Variants in TRPM3 observed in about 807,000 individuals in gnomAD.
TRPM3 encodes the protein long transient receptor potential channel 3.
A neutral mutation model predicts 181.2 loss-of-function variants in TRPM3; 77 were observed. The observed-to-expected ratio is 0.42, with a 90% CI of 0.35 to 0.51. TRPM3 has a LOEUF of 0.51. TRPM3 is among the 20% of genes least tolerant of loss of function. The pLI is 0.01. For missense variants in TRPM3, 1,759 were observed against 2,196.7 expected (o/e 0.80, Z 3.98); for synonymous variants, 745 against 796.4 (o/e 0.94, Z 1.09).
At chr9:70,636,272 A>G (rs1005891649) in intron 11 of TRPM3, among the ~76,000 whole-genome samples, 7 of 151,806 alleles carry the variant, frequency 4.6e-5, no homozygotes, top group Non-Finnish European at 8.8e-5. Context: ...TGATTGTTTC[A>G]ACCATTAAAA....
At chr9:70,603,196 A>G in intron 20 of TRPM3, 146 bp downstream of exon 20, 1 of 947,756 alleles carries the variant, frequency 1.1e-6, no homozygotes, top group Non-Finnish European at 1.6e-6. Flanking sequence ...CAGGTTTGTC[A>G]GAGGAGCAAA....
At chr9:71,095,134 C>T (rs1033583200) in intron 1 of TRPM3, among the ~76,000 whole-genome samples, 2 of 152,128 alleles carry the variant, frequency 1.3e-5, no homozygotes, top group Non-Finnish European at 2.9e-5. Flanking sequence ...ATAGGGATCA[C>T]AAGGCATATT....
At chr9:71,024,076 T>C (rs547858542) in intron 1 of TRPM3, among the ~76,000 whole-genome samples, 1 of 152,338 alleles carries the variant, frequency 6.6e-6, no homozygotes, top group South Asian at 2.1e-4. Flanking sequence ...TTTTGCAAGA[T>C]GCAAAATGTA....
chr9:71,143,215 C>G (rs1170287714), intron 1 of TRPM3, among the ~76,000 whole-genome samples: 1 of 150,866 alleles, frequency 6.6e-6, no homozygotes, highest in Non-Finnish European at 1.5e-5. Flanking sequence ...CTTTTAAGTT[C>G]AAGAGTACAA....
At chr9:71,181,657 T>C (rs1270809423) in intron 1 of TRPM3, among the ~76,000 whole-genome samples, 2 of 152,148 alleles carry the variant, frequency 1.3e-5, no homozygotes, top group Non-Finnish European at 2.9e-5. Flanking sequence ...ATGAAGTTTT[T>C]CTCTTTGAAA....
In TRPM3 at chr9:71,059,708, G is replaced by A. The variant is rs1287083704; in HGVS notation, c.177+61470C>T. ...CTGTTTCCCTGGAAGAAGAAATTCT[G>A]CCCCAGGACTGAAGCATCAATTCCT... is the stretch of plus-strand genomic sequence containing the variant. On this transcript the variant is annotated intron_variant, in intron 1 of 25. Transcript: ENST00000677713. 2.6e-5 allele frequency among the ~76,000 whole-genome samples: 4 copies of A among 152,026 alleles called. No homozygotes were observed. The East Asian group carries it at 7.7e-4, about 29-fold the overall frequency.
Position 70,603,411 on chromosome 9 carries a change from G to C in TRPM3, c.2727C>G (p.Arg909=). The C allele has an allele frequency of 6.2e-7, 1 of 1,614,112 alleles. No individual in the cohort carries two copies. The highest frequency in any genetic ancestry group is 8.5e-7 in the Non-Finnish European group (1 of 1,180,010). Residue 909 remains arginine (R), a synonymous_variant, in exon 20 of 26, where the codon CGC becomes CGG. Transcript: ENST00000677713. ...CGATCCATTCCTGGGTGGACGGCCA[G>C]CGTTCCATCTTCACTAACACGATAT... The part of the protein sequence containing the change: ...FNYIVLVKME[R]WPSTQEWIVI...
chr9:71,138,122 A>G (rs1439855637), intron 1 of TRPM3, among the ~76,000 whole-genome samples: 1 of 152,144 alleles, frequency 6.6e-6, no homozygotes, highest in Non-Finnish European at 1.5e-5. Context: ...TCAAAAAAGA[A>G]AAAAAGAAAA....
At chr9:71,422,832 C>G (rs962933358) in intron 1 of TRPM3, among the ~76,000 whole-genome samples, 1 of 151,954 alleles carries the variant, frequency 6.6e-6, no homozygotes, top group African/African-American at 2.4e-5. Context: ...TATATTATAG[C>G]AACTTAGATA....
At chr9:70,654,198 C>G (rs190966407) in intron 9 of TRPM3, among the ~76,000 whole-genome samples, 10 of 152,068 alleles carry the variant, frequency 6.6e-5, no homozygotes, top group African/African-American at 2.4e-4. Context: ...TGTCTGTGTG[C>G]ATTTGTGTGA....
chr9:71,365,780 A>ACAAATAAG (rs764127275), intron 1 of TRPM3, among the ~76,000 whole-genome samples: 2 of 152,116 alleles, frequency 1.3e-5, no homozygotes, highest in Non-Finnish European at 2.9e-5. Flanking sequence ...ACTTCACTCA[A>ACAAATAAG]CAAATAAGTA....
intron 1 of TRPM3, among the ~76,000 whole-genome samples, chr9:71,013,653 T>A (rs2097763099): frequency 6.6e-6 from 1 of 152,002 alleles, no homozygotes; most frequent in Non-Finnish European, 1.5e-5. Context: ...TTTTGATAAA[T>A]CATATTATCC....
At chr9:71,428,228 A>G (rs1242668984) in intron 1 of TRPM3, among the ~76,000 whole-genome samples, 1 of 144,788 alleles carries the variant, frequency 6.9e-6, no homozygotes, top group African/African-American at 2.5e-5. Context: ...AGTGGCTGGG[A>G]TTACAGGCGC....
chr9:70,574,603 G>T (rs976552866), intron 22 of TRPM3, among the ~76,000 whole-genome samples: 3 of 152,170 alleles, frequency 2.0e-5, no homozygotes, highest in Non-Finnish European at 4.4e-5. Context: ...GATATCTGAT[G>T]CCTCTACTGG....
chr9:71,376,131 T>C (rs2092659796), intron 1 of TRPM3, among the ~76,000 whole-genome samples: 1 of 151,838 alleles, frequency 6.6e-6, no homozygotes, highest in Non-Finnish European at 1.5e-5. Flanking sequence ...ATTTGGGTGG[T>C]GAGGAGGTGG....
intron 6 of TRPM3, among the ~76,000 whole-genome samples, chr9:70,791,011 T>A (rs2085255179): frequency 6.6e-6 from 1 of 152,172 alleles, no homozygotes; most frequent in Non-Finnish European, 1.5e-5. Context: ...ATGCATCTCA[T>A]TTTAACTAGA....
chr9:70,605,950 C>T (rs569199456), intron 19 of TRPM3, among the ~76,000 whole-genome samples: 1 of 152,218 alleles, frequency 6.6e-6, no homozygotes. Context: ...TTAAGTAACT[C>T]CTTAAACCTA....
Position 70,790,735 on chromosome 9 carries a change from C to A in TRPM3, c.974-6456G>T, listed in dbSNP as rs190899129. Reference sequence around the variant, plus strand: ...AAAGTGTGAGATGAATTTATGAAAACTACATAAATCTGATAATCGGTTGTG... The same window carrying A: ...AAAGTGTGAGATGAATTTATGAAAAATACATAAATCTGATAATCGGTTGTG... On this transcript the variant is annotated intron_variant, in intron 6 of 25. Transcript: ENST00000677713. Among the ~76,000 whole-genome samples, 287 of 152,200 alleles carry A rather than the reference C, an allele frequency of 1.9e-3. 2 individuals are homozygous for A. The highest frequency in any genetic ancestry group is 3.0e-3 in the Non-Finnish European group (205 of 67,996).
At chr9:71,160,925 T>C (rs561494564) in intron 1 of TRPM3, among the ~76,000 whole-genome samples, 2 of 152,176 alleles carry the variant, frequency 1.3e-5, no homozygotes, top group Non-Finnish European at 2.9e-5. Context: ...GCAAGCCTTA[T>C]ATTTTGTAGA....
Sources: gnomAD v4.1 joint callset for allele counts (sites outside exome capture counted in the v4.1 genomes callset) on GRCh38, gnomAD v4.1.1 for gene constraint, MANE v1.5 for transcripts, NCBI Gene and HGNC (gene_info 2026-07-23, HGNC 2026-07-21) for gene names.